Variants in CACNA2D3 observed in about 807,000 individuals in gnomAD.
CACNA2D3 encodes the protein calcium voltage-gated channel auxiliary subunit alpha2delta 3.
Under a neutral mutation model 160.6 loss-of-function variants are expected in CACNA2D3, and 60 were observed. The observed-to-expected ratio is 0.37, with a 90% CI of 0.30 to 0.46. The LOEUF is 0.46. Ranked by LOEUF, CACNA2D3 falls within the 20% of genes least tolerant of loss-of-function variation. The probability of loss-of-function intolerance (pLI) is 1.00; values close to 1 mark genes in which losing one functional copy is unlikely to be tolerated. For synonymous variants in CACNA2D3, 558 were observed against 492.9 expected, an observed-to-expected ratio of 1.13 and a Z score of -1.75; for missense variants, 1,205 against 1,365.0, an observed-to-expected ratio of 0.88 and a Z score of 1.85.
At chr3:55,052,028 C>T (rs562122204) in intron 35 of CACNA2D3, among the ~76,000 whole-genome samples, 84 of 152,260 alleles carry the variant, frequency 5.5e-4, no homozygotes, top group Middle Eastern at 3.4e-3. Context: ...GAGATGAACC[C>T]GGTACCTCAG....
At chr3:54,335,342 G>A (rs1704350372) in intron 3 of CACNA2D3, among the ~76,000 whole-genome samples, 1 of 152,214 alleles carries the variant, frequency 6.6e-6, no homozygotes, top group Non-Finnish European at 1.5e-5. Flanking sequence ...CATAGGCAGA[G>A]CAGCTCTGAG....
At chr3:54,882,536 A>G (rs997245417) in intron 21 of CACNA2D3, among the ~76,000 whole-genome samples, 3 of 152,230 alleles carry the variant, frequency 2.0e-5, no homozygotes, top group African/African-American at 7.2e-5. Flanking sequence ...AGCTAACTGT[A>G]ACCACTGTGC....
At chr3:54,997,148 G>C (rs1223308164) in intron 31 of CACNA2D3, among the ~76,000 whole-genome samples, 1 of 152,066 alleles carries the variant, frequency 6.6e-6, no homozygotes, top group Non-Finnish European at 1.5e-5. Flanking sequence ...TTCTGCACAT[G>C]TATCCCAGAA....
At chr3:54,501,059 A>G (rs1370233812) in intron 4 of CACNA2D3, among the ~76,000 whole-genome samples, 5 of 152,154 alleles carry the variant, frequency 3.3e-5, no homozygotes, top group Non-Finnish European at 7.4e-5. Context: ...ACCTGGTAGA[A>G]GATAGAATGG....
At chr3:54,688,817 A>G (rs1222666676) in intron 11 of CACNA2D3, among the ~76,000 whole-genome samples, 1 of 151,646 alleles carries the variant, frequency 6.6e-6, no homozygotes, top group Non-Finnish European at 1.5e-5. Context: ...CCTGAGCAAC[A>G]TGGTGAAACC....
intron 2 of CACNA2D3, among the ~76,000 whole-genome samples, chr3:54,258,328 G>T (rs549537670): frequency 1.3e-5 from 2 of 152,316 alleles, no homozygotes; most frequent in Admixed American, 1.3e-4. Context: ...TGTAAGCACT[G>T]TTTAGGTCCT....
chr3:54,449,318 A>C (rs923272670), intron 4 of CACNA2D3, among the ~76,000 whole-genome samples: 3 of 152,232 alleles, frequency 2.0e-5, no homozygotes, highest in African/African-American at 7.2e-5. Flanking sequence ...ACAGGAATTT[A>C]TCTCTATGTG....
intron 15 of CACNA2D3, among the ~76,000 whole-genome samples, chr3:54,838,259 CT>C (rs951061966): frequency 6.6e-6 from 1 of 152,122 alleles, no homozygotes; most frequent in African/African-American, 2.4e-5. Flanking sequence ...TGCTGAAACT[CT>C]TGTGTTTCTT....
At chr3:54,630,415 G>C (rs1163607179) in intron 10 of CACNA2D3, among the ~76,000 whole-genome samples, 1 of 152,036 alleles carries the variant, frequency 6.6e-6, no homozygotes, top group Non-Finnish European at 1.5e-5. Context: ...ATTTCCCATA[G>C]CATGCGCAGT....
chr3:55,037,649 A>G (rs1385472379), intron 35 of CACNA2D3, among the ~76,000 whole-genome samples: 3 of 152,178 alleles, frequency 2.0e-5, no homozygotes, highest in Non-Finnish European at 2.9e-5. Flanking sequence ...TTTTTAAAGA[A>G]TGGGACAAAT....
intron 9 of CACNA2D3, among the ~76,000 whole-genome samples, chr3:54,593,174 A>C (rs540357247): frequency 1.3e-5 from 2 of 152,324 alleles, no homozygotes; most frequent in African/African-American, 4.8e-5. Context: ...AAAATAACTT[A>C]CATAGAGAAA....
At chr3:54,644,216 G>T (rs1020812172) in intron 11 of CACNA2D3, among the ~76,000 whole-genome samples, 3 of 152,084 alleles carry the variant, frequency 2.0e-5, no homozygotes, top group Admixed American at 1.3e-4. Flanking sequence ...TTTTAGGCCA[G>T]ATGCGTTCTT....
chr3:54,461,023 A>G lies in CACNA2D3; in HGVS notation c.382-42469A>G, dbSNP rs368909031. Among the ~76,000 whole-genome samples the G allele has an allele frequency of 3.4e-5, 5 of 147,690 alleles. No individual in the cohort carries two copies. In the South Asian group the frequency reaches 1.0e-3, roughly 31 times the overall value. Reference sequence around the variant, plus strand: ...TTTGTCAAAGGCCTTTTCTGCATCTATTGAGATAATCATGTTGTTTTTGTC... The same window carrying G: ...TTTGTCAAAGGCCTTTTCTGCATCTGTTGAGATAATCATGTTGTTTTTGTC... On this transcript the variant is annotated intron_variant, in intron 4 of 37. Coordinates refer to ENST00000474759, the MANE Select transcript of CACNA2D3 (RefSeq NM_018398.3).
intron 11 of CACNA2D3, among the ~76,000 whole-genome samples, chr3:54,698,310 T>A (rs1373527450): frequency 6.6e-6 from 1 of 152,172 alleles, no homozygotes; most frequent in Non-Finnish European, 1.5e-5. Flanking sequence ...AGGGATGATG[T>A]TGTTTATTTA....
At chr3:54,357,122 C>T (rs1434430749) in intron 3 of CACNA2D3, among the ~76,000 whole-genome samples, 2 of 152,188 alleles carry the variant, frequency 1.3e-5, no homozygotes, top group Admixed American at 6.5e-5. Flanking sequence ...ACACCCTAGT[C>T]TGTGCCACAC....
intron 5 of CACNA2D3, among the ~76,000 whole-genome samples, chr3:54,537,114 AG>A (rs1701901976): frequency 2.0e-5 from 3 of 152,112 alleles, no homozygotes; most frequent in Non-Finnish European, 4.4e-5. Context: ...AGAGAGAGAG[AG>A]AGAGAGATGG....
intron 34 of CACNA2D3, among the ~76,000 whole-genome samples, chr3:55,015,070 T>C (rs1433428854): frequency 1.3e-5 from 2 of 152,212 alleles, no homozygotes; most frequent in Non-Finnish European, 2.9e-5. Flanking sequence ...CAAATGAGTC[T>C]CACCATTGAG....
chr3:54,450,892 C>A (rs1442555217), intron 4 of CACNA2D3, among the ~76,000 whole-genome samples: 1 of 152,168 alleles, frequency 6.6e-6, no homozygotes, highest in Admixed American at 6.5e-5. Context: ...GACAAAATTC[C>A]TCTCCATTTG....
intron 5 of CACNA2D3, among the ~76,000 whole-genome samples, chr3:54,551,621 G>A (rs1284526012): frequency 1.3e-5 from 2 of 152,174 alleles, no homozygotes; most frequent in Admixed American, 6.5e-5. Context: ...GATCAGAATG[G>A]TGTGAAGCCT....
Sources: gnomAD v4.1 joint callset for allele counts (sites outside exome capture counted in the v4.1 genomes callset) on GRCh38, gnomAD v4.1.1 for gene constraint, MANE v1.5 for transcripts, NCBI Gene and HGNC (gene_info 2026-07-23, HGNC 2026-07-21) for gene names.